Variants in PCDH15 observed in about 807,000 individuals in gnomAD.
PCDH15 encodes protocadherin-15.
Under a neutral mutation model 178.5 loss-of-function variants are expected in PCDH15, and 129 were observed. The observed-to-expected ratio is 0.72, with a 90% CI of 0.63 to 0.84. The LOEUF (loss-of-function observed/expected upper bound fraction) is 0.84. PCDH15 is among the 40% of genes least tolerant of loss of function. The pLI is 0.00. For synonymous variants in PCDH15, 800 were observed against 732.0 expected, an observed-to-expected ratio of 1.09 and a Z score of -1.50; for missense variants, 2,230 against 2,099.9, an observed-to-expected ratio of 1.06 and a Z score of -1.21.
intron 2 of PCDH15, among the ~76,000 whole-genome samples, chr10:54,534,103 T>C (rs2084226350): frequency 6.6e-6 from 1 of 152,180 alleles, no homozygotes; most frequent in African/African-American, 2.4e-5. Context: ...GCAAAATGTA[T>C]AGACAGACTA....
chr10:54,760,830 G>A (rs905599274), intron 1 of PCDH15, among the ~76,000 whole-genome samples: 2 of 152,132 alleles, frequency 1.3e-5, no homozygotes, highest in African/African-American at 4.8e-5. Flanking sequence ...GGAAATGGCT[G>A]AGGAGTATGG....
intron 2 of PCDH15, among the ~76,000 whole-genome samples, chr10:55,095,781 T>C (rs544302968): frequency 1.3e-5 from 2 of 152,266 alleles, no homozygotes; most frequent in African/African-American, 4.8e-5. Flanking sequence ...TTATCATATG[T>C]CATTGAAATT....
chr10:54,290,194 C>T (rs1591612878), intron 8 of PCDH15, among the ~76,000 whole-genome samples: 1 of 152,218 alleles, frequency 6.6e-6, no homozygotes, highest in African/African-American at 2.4e-5. Context: ...AACAGTGGGT[C>T]TCTCAGCAGA....
chr10:54,484,949 A>T (rs1342716611), intron 3 of PCDH15, among the ~76,000 whole-genome samples: 2 of 151,848 alleles, frequency 1.3e-5, no homozygotes, highest in East Asian at 3.9e-4. Flanking sequence ...GAATGCCCAT[A>T]AATAATAATC....
intron 1 of PCDH15, among the ~76,000 whole-genome samples, chr10:55,319,410 T>C (rs984197305): frequency 2.0e-5 from 3 of 151,836 alleles, no homozygotes; most frequent in East Asian, 1.9e-4. Context: ...ATAAAACATA[T>C]AGAAATTTTA....
At chr10:54,789,172 G>A (rs1287502783) in intron 1 of PCDH15, among the ~76,000 whole-genome samples, 6 of 151,806 alleles carry the variant, frequency 4.0e-5, no homozygotes, top group African/African-American at 7.3e-5. Flanking sequence ...TTATAAGAAT[G>A]TCTTTGGTAT....
At chr10:55,215,685 C>T (rs894811580) in intron 1 of PCDH15, among the ~76,000 whole-genome samples, 1 of 151,978 alleles carries the variant, frequency 6.6e-6, no homozygotes, top group Non-Finnish European at 1.5e-5. Context: ...TTAGCTAGGG[C>T]TTCCATGGCA....
chr10:54,306,147 T>C (rs1479485217), intron 8 of PCDH15, among the ~76,000 whole-genome samples: 2 of 152,058 alleles, frequency 1.3e-5, no homozygotes, highest in South Asian at 4.1e-4. Context: ...AAAAAAAATT[T>C]GATGGTTTGA....
chr10:54,121,377 G>C (rs981104178), intron 15 of PCDH15, among the ~76,000 whole-genome samples: 1 of 151,998 alleles, frequency 6.6e-6, no homozygotes, highest in African/African-American at 2.4e-5. Flanking sequence ...CATTATACTA[G>C]AGGAAGTAGA....
rs150855889 is a variant in PCDH15, at chr10:55,216,300, C to A, written c.-155-49649G>T. ...ACTTAGGAAAAGTTTCCTAGTTTTT[C>A]TGTTCTACTGATATTTTCAATTTCA... is the stretch of plus-strand genomic sequence containing the variant. On this transcript the variant is annotated intron_variant, in intron 1 of 5. Coordinates refer to the PCDH15 transcript ENST00000458638. Among the ~76,000 whole-genome samples, 58 of 151,990 alleles carry A rather than the reference C, an allele frequency of 3.8e-4. 1 individual carries two copies. In the East Asian group the frequency reaches 0.011, roughly 28 times the overall value.
intron 2 of PCDH15, among the ~76,000 whole-genome samples, chr10:54,983,787 G>A (rs890279737): frequency 7.2e-5 from 11 of 152,140 alleles, no homozygotes; most frequent in African/African-American, 2.4e-4. Flanking sequence ...AAATTCCTTG[G>A]GGCTCTGTTT....
intron 16 of PCDH15, among the ~76,000 whole-genome samples, chr10:54,089,493 G>C (rs1460025980): frequency 6.6e-6 from 1 of 152,188 alleles, no homozygotes; most frequent in Non-Finnish European, 1.5e-5. Flanking sequence ...GATGTATTCA[G>C]AGAGATAAGT....
chr10:54,799,995 T>A (rs1052558387), intron 1 of PCDH15, among the ~76,000 whole-genome samples: 3 of 152,172 alleles, frequency 2.0e-5, no homozygotes, highest in African/African-American at 7.2e-5. Flanking sequence ...CATAATAACT[T>A]AAGTATTTGG....
intron 2 of PCDH15, among the ~76,000 whole-genome samples, chr10:55,609,007 T>TA (rs1491008341): frequency 6.0e-5 from 5 of 83,908 alleles, no homozygotes; most frequent in Non-Finnish European, 1.2e-4. Flanking sequence ...ATATATGTTA[T>TA]ATATATATAC....
At chr10:55,399,211 T>A (rs2132022833) in intron 2 of PCDH15, among the ~76,000 whole-genome samples, 1 of 152,298 alleles carries the variant, frequency 6.6e-6, no homozygotes, top group Non-Finnish European at 1.5e-5. Context: ...TTTATGTCTT[T>A]ACTTAATAGT....
intron 3 of PCDH15, among the ~76,000 whole-genome samples, chr10:54,892,170 A>G (rs1322342431): frequency 6.6e-6 from 1 of 152,110 alleles, no homozygotes; most frequent in Non-Finnish European, 1.5e-5. Flanking sequence ...AAAAGAGACC[A>G]AATAATGCAC....
intron 2 of PCDH15, among the ~76,000 whole-genome samples, chr10:55,602,664 TG>T (rs202114942): frequency 0.012 from 1,872 of 152,118 alleles, 50 homozygotes; most frequent in African/African-American, 0.043. Flanking sequence ...CCAACAGACC[TG>T]CAGCTGAGGG....
intron 1 of PCDH15, among the ~76,000 whole-genome samples, chr10:54,676,616 A>G (rs1240495659): frequency 6.6e-6 from 1 of 152,202 alleles, no homozygotes; most frequent in Admixed American, 6.5e-5. Flanking sequence ...TTGTCTAATT[A>G]GACAATAATT....
intron 1 of PCDH15, among the ~76,000 whole-genome samples, chr10:55,307,086 TA>T (rs1843446479): frequency 6.6e-6 from 1 of 151,970 alleles, no homozygotes; most frequent in African/African-American, 2.4e-5. Flanking sequence ...CATCTTAAAA[TA>T]TTTTTCTGCT....
Sources: allele counts gnomAD v4.1 joint callset (sites outside exome capture counted in the v4.1 genomes callset), GRCh38; gene constraint gnomAD v4.1.1; transcripts MANE v1.5; gene names NCBI Gene and HGNC (gene_info 2026-07-23, HGNC 2026-07-21).